NRXN3: variants seen among roughly 807,000 people sequenced by gnomAD.
The protein encoded by NRXN3 is neurexin 3, also known as neurexin III.
NRXN3 carries 32 observed loss-of-function variants against 137.6 expected under a neutral mutation model. The observed-to-expected ratio is 0.23, with a 90% CI of 0.18 to 0.31. The LOEUF (loss-of-function observed/expected upper bound fraction) is 0.31, where lower values mean the gene tolerates loss of function less well. NRXN3 is among the 10% of genes least tolerant of loss of function. The pLI is 1.00. For missense variants in NRXN3, 1,574 were observed against 2,062.5 expected, an observed-to-expected ratio of 0.76 and a Z score of 4.59; for synonymous variants, 798 against 784.5, an observed-to-expected ratio of 1.02 and a Z score of -0.29.
chr14:79,504,024 T>G (rs1205856535), intron 16 of NRXN3, among the ~76,000 whole-genome samples: 1 of 152,234 alleles, frequency 6.6e-6, no homozygotes, highest in Non-Finnish European at 1.5e-5. Context: ...CATCTCAGTT[T>G]TGGAGTTCCA....
chr14:78,334,147 T>C (rs2081178325), intron 4 of NRXN3, among the ~76,000 whole-genome samples: 1 of 152,142 alleles, frequency 6.6e-6, no homozygotes, highest in Admixed American at 6.5e-5. Context: ...GGCAAGAGTC[T>C]AGCTTAGTCA....
intron 2 of NRXN3, among the ~76,000 whole-genome samples, chr14:78,278,190 C>G (rs1373928287): frequency 6.6e-6 from 1 of 152,130 alleles, no homozygotes; most frequent in Non-Finnish European, 1.5e-5. Context: ...GGGAGTGGTT[C>G]ATTTTTACTT....
chr14:79,314,170 G>C (rs1159206501), intron 15 of NRXN3: 1 of 147,372 alleles, frequency 6.8e-6, no homozygotes, highest in Non-Finnish European at 1.5e-5. Context: ...CATCTCACTA[G>C]GGAGTGCCAG....
chr14:78,831,555 A>C (rs998405715), intron 10 of NRXN3, among the ~76,000 whole-genome samples: 4 of 151,154 alleles, frequency 2.6e-5, no homozygotes, highest in African/African-American at 4.9e-5. Flanking sequence ...AAAAAAAAAA[A>C]AAAAAACAAC....
rs1338907999 is a variant in NRXN3 at position 79,790,583 on chromosome 14, A to G, written c.4015-14529A>G. On this transcript the variant is annotated intron_variant, in intron 19 of 20. Transcript: ENST00000335750. Reference sequence around the variant, plus strand: ...CTTCATCCCCAAAAGTTCTGTAATTACAGGCGTGGGCCACTGTGTCTGGCC... The same window carrying G: ...CTTCATCCCCAAAAGTTCTGTAATTGCAGGCGTGGGCCACTGTGTCTGGCC... Among the ~76,000 whole-genome samples, 9 of 146,980 alleles carry G rather than the reference A, an allele frequency of 6.1e-5. No individual in the cohort carries two copies. In the South Asian group the frequency reaches 1.3e-3, roughly 21 times the overall value.
chr14:78,560,512 C>A lies in NRXN3; in HGVS notation c.758-84608C>A, dbSNP rs1213154668. Among the ~76,000 whole-genome samples, 4 of 152,178 alleles carry A rather than the reference C, an allele frequency of 2.6e-5. No homozygotes were observed. The East Asian group carries it at 5.8e-4, about 22-fold the overall frequency. ...GTTGTTGAAGATACAGACTGTATAA[C>A]CTTTCTCCAAGGCCTGGATGCTCAC... On this transcript the variant is annotated intron_variant, in intron 4 of 20. Transcript: ENST00000335750.
intron 15 of NRXN3, among the ~76,000 whole-genome samples, chr14:79,385,555 A>C (rs1043022618): frequency 6.6e-6 from 1 of 152,100 alleles, no homozygotes; most frequent in Non-Finnish European, 1.5e-5. Context: ...TCTCAAGTTA[A>C]ATGTAATCCT....
At chr14:79,417,517 T>C (rs578223551) in intron 15 of NRXN3, among the ~76,000 whole-genome samples, 2 of 152,290 alleles carry the variant, frequency 1.3e-5, no homozygotes, top group South Asian at 4.1e-4. Context: ...CTGCTGCTGC[T>C]GCTACCATGG....
At chr14:79,851,672 A>G (rs1039503628) in intron 20 of NRXN3, among the ~76,000 whole-genome samples, 2 of 152,108 alleles carry the variant, frequency 1.3e-5, no homozygotes, top group African/African-American at 2.4e-5. Flanking sequence ...TGGGTTTCCC[A>G]GTCCTTGGTT....
intron 15 of NRXN3, among the ~76,000 whole-genome samples, chr14:79,223,021 A>C (rs1237659497): frequency 6.6e-6 from 1 of 152,166 alleles, no homozygotes; most frequent in East Asian, 1.9e-4. Flanking sequence ...ATTAGACAAC[A>C]ATGAAATAAC....
chr14:78,631,534 G>A (rs1267532862), intron 4 of NRXN3, among the ~76,000 whole-genome samples: 1 of 152,176 alleles, frequency 6.6e-6, no homozygotes, highest in African/African-American at 2.4e-5. Flanking sequence ...TTCATGGATA[G>A]CATAGGAAAT....
At chr14:78,824,287 A>G (rs560395680) in intron 10 of NRXN3, among the ~76,000 whole-genome samples, 4 of 152,064 alleles carry the variant, frequency 2.6e-5, no homozygotes, top group South Asian at 2.1e-4. Flanking sequence ...CTTGGCCAAT[A>G]GGGGATTCTG....
At chr14:78,490,680 C>G (rs2095649713) in intron 4 of NRXN3, among the ~76,000 whole-genome samples, 1 of 152,150 alleles carries the variant, frequency 6.6e-6, no homozygotes, top group Admixed American at 6.5e-5. Flanking sequence ...AGTAAGCTAA[C>G]TCTCATGTAA....
intron 4 of NRXN3, among the ~76,000 whole-genome samples, chr14:78,322,088 T>C (rs1162730417): frequency 2.0e-5 from 3 of 152,144 alleles, no homozygotes; most frequent in East Asian, 1.9e-4. Context: ...CCAGCCCTTT[T>C]TTTTTAATCA....
intron 4 of NRXN3, among the ~76,000 whole-genome samples, chr14:78,364,969 T>C (rs1032616932): frequency 2.0e-5 from 3 of 152,206 alleles, no homozygotes; most frequent in African/African-American, 7.2e-5. Flanking sequence ...TTGTTTTCAC[T>C]ATTGTTAATG....
chr14:78,726,103 C>T (rs759629028), intron 8 of NRXN3, among the ~76,000 whole-genome samples: 1 of 152,150 alleles, frequency 6.6e-6, no homozygotes, highest in Non-Finnish European at 1.5e-5. Flanking sequence ...AGCAGCCATT[C>T]CATTTTTGGA....
chr14:78,509,445 T>C (rs2153787674), intron 4 of NRXN3, among the ~76,000 whole-genome samples: 1 of 152,226 alleles, frequency 6.6e-6, no homozygotes, highest in Middle Eastern at 3.4e-3. Flanking sequence ...ATCAGGAAAA[T>C]GGGAGAGGAG....
intron 20 of NRXN3, among the ~76,000 whole-genome samples, chr14:79,807,039 G>A (rs948040441): frequency 7.9e-5 from 10 of 126,892 alleles, no homozygotes; most frequent in South Asian, 2.6e-4. Context: ...GTGCAGTGGC[G>A]TGTTTATAGC....
In NRXN3 at chr14:79,378,888, A is replaced by AC. The variant is rs1555409713; in HGVS notation, c.3263-88333_3263-88332insC. On this transcript the variant is annotated intron_variant, in intron 15 of 20. Transcript: ENST00000335750. Reference sequence around the variant, plus strand: ...AAATGAACAGATTTAAAAAAAAAAAAAAACCCTGAAGAGCTAAGCTTAAGC... The same window carrying AC: ...AAATGAACAGATTTAAAAAAAAAAAACAAACCCTGAAGAGCTAAGCTTAAGC... Among the ~76,000 whole-genome samples the AC allele has an allele frequency of 2.8e-3, 427 of 152,154 alleles. 2 individuals carry two copies. Among genetic ancestry groups the AC allele is most frequent in the African/African-American group, 9.8e-3 (408 of 41,512 alleles).
Sources: gnomAD v4.1 joint callset for allele counts (sites outside exome capture counted in the v4.1 genomes callset) on GRCh38, gnomAD v4.1.1 for gene constraint, MANE v1.5 for transcripts, NCBI Gene and HGNC (gene_info 2026-07-23, HGNC 2026-07-21) for gene names.